Variants in HMCN1 observed in about 807,000 individuals in gnomAD.
HMCN1 encodes the protein hemicentin 1.
HMCN1 carries 321 observed loss-of-function variants against 625.9 expected under a neutral mutation model. The observed-to-expected ratio is 0.51, with a 90% CI of 0.47 to 0.56. The LOEUF (loss-of-function observed/expected upper bound fraction) is 0.56, where lower values mean the gene tolerates loss of function less well. Among genes scored for constraint, HMCN1 ranks in the 20% least tolerant of loss-of-function variants. The probability of loss-of-function intolerance (pLI) is 0.00; values close to 1 mark genes in which losing one functional copy is unlikely to be tolerated. For missense variants in HMCN1, 6,588 were observed against 6,887.3 expected (o/e 0.96, Z 1.54); for synonymous variants, 2,425 against 2,417.6 (o/e 1.00, Z -0.09).
At chr1:185,834,106 T>C (rs1661031687) in intron 1 of HMCN1, among the ~76,000 whole-genome samples, 1 of 152,210 alleles carries the variant, frequency 6.6e-6, no homozygotes. Context: ...ACTGTCTAAG[T>C]TCTGGAGATT....
rs1287773508 is a variant in HMCN1, at chr1:186,123,142, G to A, written c.12421G>A (p.Gly4141Ser). ...GSLQIAFVQP[G>S]DAGHYTCMAA... ...TCTGCAAATAGCATTTGTCCAGCCT[G>A]GTGATGCTGGCCATTACACGTGCAT... The change falls in exon 81 of 107, where the codon GGT becomes AGT. Residue 4141 changes from glycine (G) to serine (S), a missense_variant. This residue lies in a region of HMCN1 where 1,954 missense variants were observed against 2,013.1 expected (regional missense o/e 0.97). Coordinates refer to ENST00000271588, the MANE Select transcript of HMCN1 (RefSeq NM_031935.3). 1.9e-6 allele frequency: 3 copies of A among 1,613,872 alleles called. No homozygotes were observed. Among genetic ancestry groups the A allele is most frequent in the Middle Eastern group, 1.6e-4 (1 of 6,084 alleles).
chr1:185,970,805 C>A (rs1650763179), intron 15 of HMCN1, among the ~76,000 whole-genome samples: 1 of 151,916 alleles, frequency 6.6e-6, no homozygotes, highest in Non-Finnish European at 1.5e-5. Flanking sequence ...ATTGCAGGCG[C>A]CTGCCACCAT....
chr1:185,908,603 A>G (rs1483658600), intron 4 of HMCN1, among the ~76,000 whole-genome samples: 1 of 152,000 alleles, frequency 6.6e-6, no homozygotes, highest in Non-Finnish European at 1.5e-5. Context: ...CTTGTTCACA[A>G]TGAGGCATTA....
In HMCN1 at chr1:186,172,061, C is replaced by T. The variant is rs773089753; in HGVS notation, c.15744C>T (p.Thr5248=). 6.2e-7 allele frequency: 1 copy of T among 1,613,432 alleles called. No homozygotes were observed. Among genetic ancestry groups the T allele is most frequent in the African/African-American group, 1.3e-5 (1 of 74,846 alleles). The part of the protein sequence containing the change: ...VCRPDQHCKN[T]RGGYKCIDLC... ...GACCAGATCAGCACTGTAAGAACAC[C>T]CGTGGTGGCTATAAGTGCATTGATC... Residue 5248 remains threonine, a synonymous_variant, in exon 102 of 107, where the codon ACC becomes ACT. Coordinates refer to ENST00000271588, the MANE Select transcript of HMCN1 (RefSeq NM_031935.3).
chr1:186,156,310 C>G (rs1271942023), intron 97 of HMCN1, among the ~76,000 whole-genome samples: 2 of 151,934 alleles, frequency 1.3e-5, no homozygotes, highest in Non-Finnish European at 2.9e-5. Flanking sequence ...TATTGACAAC[C>G]ATGATTAATC....
At chr1:186,055,338 G>T in intron 44 of HMCN1, 55 bp from the exon 45 acceptor site, 2 of 1,532,032 alleles carry the variant, frequency 1.3e-6, no homozygotes, top group South Asian at 1.1e-5. Context: ...TCCTATGTAA[G>T]ACTTGAAGCA....
intron 1 of HMCN1, among the ~76,000 whole-genome samples, chr1:185,751,634 A>T (rs1654822551): frequency 6.6e-6 from 1 of 151,948 alleles, no homozygotes; most frequent in South Asian, 2.1e-4. Context: ...TGTTAAGTGT[A>T]TTTTAGATCT....
intron 85 of HMCN1, 49 bp from the exon 86 acceptor site, chr1:186,132,279 C>T: frequency 2.3e-6 from 3 of 1,322,334 alleles, no homozygotes; most frequent in Non-Finnish European, 3.3e-6. Flanking sequence ...AAGTGATTGC[C>T]CTGCTCTGTA....
chr1:186,166,509 G>A (rs1024202823), intron 99 of HMCN1, among the ~76,000 whole-genome samples: 5 of 152,204 alleles, frequency 3.3e-5, no homozygotes, highest in Non-Finnish European at 7.3e-5. Context: ...TCTCAAGGCA[G>A]GAATGCCTGG....
At position 186,055,352 on chromosome 1, in the gene HMCN1, A is replaced by G. The variant is rs369368015; in HGVS notation, c.6863-41A>G. The G allele has an allele frequency of 9.4e-6, 15 of 1,594,570 alleles. No individual in the cohort carries two copies. In the Middle Eastern group the frequency reaches 5.0e-4, roughly 53 times the overall value. On this transcript the variant is annotated intron_variant, in intron 44 of 106. Transcript: ENST00000271588. The stretch of plus-strand genomic sequence containing the variant: ...TTCCTATGTAAGACTTGAAGCAAAC[A>G]TTTCCTCTTTTGTTTCTTTTTATCT...
rs370808811 is a variant in HMCN1, at chr1:185,983,076, T to C, written c.2790+687T>C. Among the ~76,000 whole-genome samples, 14 of 152,282 alleles carry C rather than the reference T, an allele frequency of 9.2e-5. No homozygotes were observed. In the East Asian group the frequency reaches 2.7e-3, roughly 29 times the overall value. On this transcript the variant is annotated intron_variant, in intron 18 of 106. Coordinates refer to ENST00000271588, the MANE Select transcript of HMCN1 (RefSeq NM_031935.3). ...AATATTCCCATAAAATTCTTCCATT[T>C]TATATATCAATCTTTATTATTATTA...
intron 80 of HMCN1, among the ~76,000 whole-genome samples, chr1:186,122,348 T>C (rs1416870789): frequency 2.0e-5 from 3 of 152,186 alleles, no homozygotes; most frequent in African/African-American, 7.2e-5. Context: ...GGCTAATACC[T>C]AAGTGGTGAT....
intron 14 of HMCN1, among the ~76,000 whole-genome samples, chr1:185,966,137 G>C (rs745361643): frequency 3.3e-5 from 5 of 152,012 alleles, no homozygotes; most frequent in Non-Finnish European, 7.4e-5. Flanking sequence ...GGAAAAGTTC[G>C]CCTTTGCTAA....
intron 41 of HMCN1, 108 bp downstream of exon 41, chr1:186,045,971 C>G: frequency 1.2e-6 from 1 of 820,386 alleles, no homozygotes; most frequent in Non-Finnish European, 1.9e-6. Context: ...CTAATTTTCT[C>G]TTACAAAATT....
intron 2 of HMCN1, among the ~76,000 whole-genome samples, chr1:185,858,938 T>C (rs767412901): frequency 1.3e-5 from 2 of 151,994 alleles, no homozygotes; most frequent in Non-Finnish European, 2.9e-5. Context: ...CCTAGTCCTG[T>C]TCTGCCAAAG....
At chr1:186,017,093 C>A in intron 33 of HMCN1, 22 bp downstream of exon 33, 1 of 1,224,488 alleles carries the variant, frequency 8.2e-7, no homozygotes, top group Non-Finnish European at 1.2e-6. Context: ...GGTATGTCTT[C>A]TAAATACCTC....
At chr1:185,855,741 C>G (rs1662425102) in intron 2 of HMCN1, among the ~76,000 whole-genome samples, 1 of 152,156 alleles carries the variant, frequency 6.6e-6, no homozygotes, top group Non-Finnish European at 1.5e-5. Flanking sequence ...TAAATCCTTA[C>G]CAGTGACAGG....
chr1:185,912,380 G>T (rs1332517641), intron 6 of HMCN1, among the ~76,000 whole-genome samples: 1 of 152,080 alleles, frequency 6.6e-6, no homozygotes, highest in African/African-American at 2.4e-5. Flanking sequence ...TTCTTCTTTA[G>T]CACAACGTGG....
intron 95 of HMCN1, 115 bp downstream of exon 95, chr1:186,151,858 A>T: frequency 1.9e-6 from 2 of 1,060,532 alleles, no homozygotes; most frequent in Non-Finnish European, 2.8e-6. Flanking sequence ...ACGCAATCTT[A>T]TAAGTGATAT....
Sources: gnomAD v4.1 joint callset for allele counts (sites outside exome capture counted in the v4.1 genomes callset) on GRCh38, gnomAD v4.1.1 for gene constraint, gnomAD v4.1.1 regional missense constraint, MANE v1.5 for transcripts, NCBI Gene and HGNC (gene_info 2026-07-23, HGNC 2026-07-21) for gene names.